CNTN1: variants seen among roughly 807,000 people sequenced by gnomAD.
CNTN1 encodes the protein contactin-1.
In CNTN1, 38 loss-of-function variants were observed where a neutral mutation model predicts 126.4. The ratio of observed to expected loss-of-function variants is 0.30; its 90% CI spans 0.23 to 0.39. The LOEUF is 0.39. CNTN1 is among the 10% of genes least tolerant of loss of function. The pLI, the probability that CNTN1 is intolerant of heterozygous loss-of-function variation, is 1.00. For missense variants in CNTN1, 1,009 were observed against 1,248.4 expected (o/e 0.81, Z 2.89); for synonymous variants, 413 against 422.6 (o/e 0.98, Z 0.28).
intron 1 of CNTN1, among the ~76,000 whole-genome samples, chr12:40,853,453 A>G (rs929998178): frequency 3.9e-5 from 6 of 152,144 alleles, no homozygotes; most frequent in Non-Finnish European, 7.4e-5. Flanking sequence ...GACTCAACTG[A>G]ACGCTCAATC....
At chr12:40,895,175 C>T (rs529553291) in intron 1 of CNTN1, among the ~76,000 whole-genome samples, 1 of 152,170 alleles carries the variant, frequency 6.6e-6, no homozygotes, top group Non-Finnish European at 1.5e-5. Flanking sequence ...TTTTAATTTG[C>T]AAAGGTGCTT....
At chr12:40,826,507 A>G (rs961182036) in intron 1 of CNTN1, among the ~76,000 whole-genome samples, 12 of 152,190 alleles carry the variant, frequency 7.9e-5, no homozygotes, top group Admixed American at 2.0e-4. Flanking sequence ...TGTATGGCCA[A>G]TTTCTCAGAC....
intron 1 of CNTN1, among the ~76,000 whole-genome samples, chr12:40,833,581 A>T (rs1422105162): frequency 6.9e-6 from 1 of 144,550 alleles, no homozygotes; most frequent in South Asian, 2.2e-4. Context: ...TTAAAAAAAA[A>T]AATCATTACC....
intron 16 of CNTN1, among the ~76,000 whole-genome samples, chr12:40,982,426 G>A (rs1002177417): frequency 5.3e-5 from 8 of 152,018 alleles, no homozygotes; most frequent in Non-Finnish European, 1.2e-4. Context: ...TTTAAATTTG[G>A]TTTGGCCCTG....
At chr12:40,990,121 T>G (rs1948064305) in intron 16 of CNTN1, among the ~76,000 whole-genome samples, 1 of 152,170 alleles carries the variant, frequency 6.6e-6, no homozygotes. Context: ...ATGGTTTTAT[T>G]GAGGGGATAT....
intron 6 of CNTN1, among the ~76,000 whole-genome samples, chr12:40,925,758 C>G (rs930575786): frequency 6.5e-5 from 9 of 137,770 alleles, no homozygotes; most frequent in Non-Finnish European, 7.7e-5. Context: ...TTTCTAACAC[C>G]CTTTCAATGA....
chr12:40,709,732 C>T (rs555297789), intron 1 of CNTN1, among the ~76,000 whole-genome samples: 1 of 152,300 alleles, frequency 6.6e-6, no homozygotes, highest in Admixed American at 6.5e-5. Context: ...TGACTTCTTT[C>T]CTTAAACCTC....
chr12:40,959,236 T>TA lies in CNTN1; in HGVS notation c.1804+4dup. 6.2e-7 allele frequency: 1 copy of TA among 1,612,278 alleles called. No individual in the cohort carries two copies. Among genetic ancestry groups the TA allele is most frequent in the Non-Finnish European group, 8.5e-7 (1 of 1,178,822 alleles). On this transcript the variant is annotated splice_region_variant and intron_variant, in intron 15 of 23. Coordinates refer to ENST00000551295, the MANE Select transcript of CNTN1 (RefSeq NM_001843.4). ...CTTCAGCTGACCTTGTAGTGAGAGG[T>TA]AAGAGTTTCAACATTTTAAAATTAC... is the stretch of plus-strand genomic sequence containing the variant.
At chr12:41,015,081 G>T (rs1421928907) in intron 18 of CNTN1, among the ~76,000 whole-genome samples, 2 of 152,096 alleles carry the variant, frequency 1.3e-5, no homozygotes, top group Non-Finnish European at 2.9e-5. Flanking sequence ...TTTATTCTTT[G>T]CATTGGTCAA....
intron 1 of CNTN1, among the ~76,000 whole-genome samples, chr12:40,877,455 T>G (rs2136686808): frequency 6.6e-6 from 1 of 152,334 alleles, no homozygotes; most frequent in South Asian, 2.1e-4. Flanking sequence ...CCCAGTTTTC[T>G]GCATTGCACA....
intron 1 of CNTN1, among the ~76,000 whole-genome samples, chr12:40,875,053 A>C (rs1247687468): frequency 6.6e-6 from 1 of 152,142 alleles, no homozygotes; most frequent in Admixed American, 6.5e-5. Context: ...GTGCTCTAGG[A>C]CTAGTTCTCC....
At chr12:40,724,254 A>C (rs1942295251) in intron 1 of CNTN1, among the ~76,000 whole-genome samples, 1 of 152,172 alleles carries the variant, frequency 6.6e-6, no homozygotes, top group South Asian at 2.1e-4. Flanking sequence ...TTCTCTTAAA[A>C]GCCAGTTATG....
chr12:40,825,325 G>A (rs1275721441), intron 1 of CNTN1, among the ~76,000 whole-genome samples: 4 of 151,520 alleles, frequency 2.6e-5, no homozygotes, highest in East Asian at 1.9e-4. Context: ...TTTTTTTTAT[G>A]TTGGAGACAA....
intron 1 of CNTN1, among the ~76,000 whole-genome samples, chr12:40,742,105 A>T (rs890302233): frequency 2.0e-5 from 3 of 152,078 alleles, no homozygotes; most frequent in Admixed American, 1.3e-4. Context: ...ATAATATCAC[A>T]TTACAGTGGG....
At chr12:40,701,996 A>C (rs1941607394) in intron 1 of CNTN1, among the ~76,000 whole-genome samples, 1 of 152,152 alleles carries the variant, frequency 6.6e-6, no homozygotes. Context: ...CTATCGCCTT[A>C]CTGTTCTCCA....
chr12:40,947,653 C>T (rs1340337002), intron 14 of CNTN1, among the ~76,000 whole-genome samples: 1 of 151,524 alleles, frequency 6.6e-6, no homozygotes, highest in Non-Finnish European at 1.5e-5. Flanking sequence ...TTGACATTCA[C>T]TTTGGGTCAT....
chr12:40,818,087 C>A (rs1482605834), intron 1 of CNTN1, among the ~76,000 whole-genome samples: 1 of 152,082 alleles, frequency 6.6e-6, no homozygotes, highest in Non-Finnish European at 1.5e-5. Flanking sequence ...TTTCTGGTTG[C>A]ACTTAACAGT....
chr12:40,773,880 T>G (rs1939473760), intron 1 of CNTN1, among the ~76,000 whole-genome samples: 1 of 151,370 alleles, frequency 6.6e-6, no homozygotes, highest in Non-Finnish European at 1.5e-5. Context: ...AAGCATATCT[T>G]TAGTATTGGA....
At chr12:41,018,476 T>C in intron 19 of CNTN1, among the ~76,000 whole-genome samples, 1 of 152,224 alleles carries the variant, frequency 6.6e-6, no homozygotes, top group East Asian at 1.9e-4. Context: ...TCCTATGATC[T>C]TTACTTTTAT....
Sources: gnomAD v4.1 joint callset for allele counts (sites outside exome capture counted in the v4.1 genomes callset) on GRCh38, gnomAD v4.1.1 for gene constraint, MANE v1.5 for transcripts, NCBI Gene and HGNC (gene_info 2026-07-23, HGNC 2026-07-21) for gene names.